Variants in CDH12 observed in about 807,000 individuals in gnomAD.
The protein encoded by CDH12 is cadherin 12.
A neutral mutation model predicts 74.1 loss-of-function variants in CDH12; 41 were observed. The observed-to-expected ratio is 0.55, with a 90% CI of 0.43 to 0.72. The LOEUF is 0.72. Among genes scored for constraint, CDH12 ranks in the 30% least tolerant of loss-of-function variants. The pLI is 0.00. For synonymous variants in CDH12, 399 were observed against 355.0 expected (o/e 1.12, Z -1.39); for missense variants, 945 against 977.2 (o/e 0.97, Z 0.44).
At chr5:22,228,485 C>T (rs942544704) in intron 3 of CDH12, among the ~76,000 whole-genome samples, 9 of 152,028 alleles carry the variant, frequency 5.9e-5, no homozygotes, top group African/African-American at 2.2e-4. Flanking sequence ...TTCAGATTAC[C>T]CCTCTGTATA....
intron 6 of CDH12, among the ~76,000 whole-genome samples, chr5:21,927,050 G>T (rs1380378038): frequency 6.6e-6 from 1 of 152,142 alleles, no homozygotes; most frequent in African/African-American, 2.4e-5. Flanking sequence ...TGGAGTTTGT[G>T]GTCATAGCAA....
intron 7 of CDH12, among the ~76,000 whole-genome samples, chr5:21,842,558 G>A (rs553879539): frequency 6.6e-6 from 1 of 152,016 alleles, no homozygotes; most frequent in Non-Finnish European, 1.5e-5. Context: ...TGAGAAATAT[G>A]GTTAAAGAAC....
intron 4 of CDH12, among the ~76,000 whole-genome samples, chr5:22,164,491 A>G (rs1748563293): frequency 6.6e-6 from 1 of 152,232 alleles, no homozygotes; most frequent in Non-Finnish European, 1.5e-5. Context: ...GACGGCGGCA[A>G]AACAGCAGTG....
intron 11 of CDH12, among the ~76,000 whole-genome samples, chr5:21,771,686 C>T (rs1745332975): frequency 6.6e-6 from 1 of 151,952 alleles, no homozygotes; most frequent in African/African-American, 2.4e-5. Context: ...TCTTATCAGA[C>T]CCAAAAAGGT....
At chr5:22,601,905 T>G (rs1298122115) in intron 1 of CDH12, among the ~76,000 whole-genome samples, 1 of 152,078 alleles carries the variant, frequency 6.6e-6, no homozygotes, top group Non-Finnish European at 1.5e-5. Flanking sequence ...TACTAGAAGC[T>G]TTCTCAAAAA....
At chr5:22,293,371 A>C (rs557949736) in intron 3 of CDH12, among the ~76,000 whole-genome samples, 15 of 152,284 alleles carry the variant, frequency 9.9e-5, no homozygotes, top group Non-Finnish European at 1.6e-4. Context: ...CCTTCATTTG[A>C]GTGCTCATTT....
At chr5:21,754,625 C>T (rs976313634) in intron 14 of CDH12, among the ~76,000 whole-genome samples, 1 of 152,118 alleles carries the variant, frequency 6.6e-6, no homozygotes, top group African/African-American at 2.4e-5. Context: ...CACAAGCTAC[C>T]ATATAACGCG....
rs150571583 is a variant in CDH12, at chr5:22,799,580, T to C, written c.-523+53478A>G. Among the ~76,000 whole-genome samples, 127 of 152,296 alleles carry C rather than the reference T, an allele frequency of 8.3e-4. 1 individual carries two copies. The highest frequency in any genetic ancestry group is 2.6e-3 in the African/African-American group (110 of 41,570). On this transcript the variant is annotated intron_variant, in intron 1 of 14. Coordinates refer to ENST00000382254, the MANE Select transcript of CDH12 (RefSeq NM_004061.5). ...GATGATATTTCAGTGAGAGAACTTT[T>C]ATATGTGACACTTTTTAAAAATACG... is the stretch of plus-strand genomic sequence containing the variant.
At chr5:22,432,260 G>A (rs1468057133) in intron 2 of CDH12, among the ~76,000 whole-genome samples, 5 of 152,032 alleles carry the variant, frequency 3.3e-5, no homozygotes, top group African/African-American at 1.2e-4. Flanking sequence ...TACAGCCTAG[G>A]AGCAATAGGC....
At chr5:22,367,157 G>C (rs945078675) in intron 3 of CDH12, among the ~76,000 whole-genome samples, 1 of 152,014 alleles carries the variant, frequency 6.6e-6, no homozygotes, top group Admixed American at 6.6e-5. Context: ...TTAGACAGTT[G>C]AAATCTTATT....
At chr5:21,793,707 T>C (rs1015479996) in intron 10 of CDH12, among the ~76,000 whole-genome samples, 2 of 151,550 alleles carry the variant, frequency 1.3e-5, no homozygotes, top group Non-Finnish European at 3.0e-5. Flanking sequence ...TTCCTCCTTT[T>C]CCTTCTACCT....
At chr5:22,192,692 T>C (rs529144443) in intron 4 of CDH12, among the ~76,000 whole-genome samples, 1 of 152,006 alleles carries the variant, frequency 6.6e-6, no homozygotes, top group African/African-American at 2.4e-5. Context: ...TGGGATAAGC[T>C]GGGGGGATGT....
chr5:22,613,512 A>G (rs1157406522), intron 1 of CDH12, among the ~76,000 whole-genome samples: 1 of 151,942 alleles, frequency 6.6e-6, no homozygotes, highest in East Asian at 1.9e-4. Flanking sequence ...ATGAGACACG[A>G]CTCTCTTTCA....
At chr5:22,838,384 C>T (rs1333469456) in intron 1 of CDH12, among the ~76,000 whole-genome samples, 1 of 152,146 alleles carries the variant, frequency 6.6e-6, no homozygotes, top group Non-Finnish European at 1.5e-5. Flanking sequence ...GTGGCTTATT[C>T]TCTCTGATCC....
chr5:22,047,157 G>A (rs1740011687), intron 5 of CDH12, among the ~76,000 whole-genome samples: 1 of 152,122 alleles, frequency 6.6e-6, no homozygotes, highest in South Asian at 2.1e-4. Context: ...ATTGAATCTA[G>A]CTCCAACTGT....
chr5:22,073,525 G>C, intron 5 of CDH12, among the ~76,000 whole-genome samples: 1 of 152,066 alleles, frequency 6.6e-6, no homozygotes, highest in East Asian at 1.9e-4. Context: ...TGGTTAGTTT[G>C]AGCAACTGGT....
At chr5:22,140,191 C>T (rs1337212780) in intron 4 of CDH12, among the ~76,000 whole-genome samples, 1 of 152,052 alleles carries the variant, frequency 6.6e-6, no homozygotes, top group African/African-American at 2.4e-5. Flanking sequence ...TTGCCGAGTG[C>T]TATTGTCACA....
intron 2 of CDH12, among the ~76,000 whole-genome samples, chr5:22,410,167 C>G (rs575204700): frequency 1.6e-4 from 25 of 152,106 alleles, no homozygotes; most frequent in African/African-American, 6.0e-4. Flanking sequence ...CTGACCTTCT[C>G]CTGCCCTCCT....
At chr5:22,045,438 C>T (rs555918216) in intron 5 of CDH12, among the ~76,000 whole-genome samples, 9 of 152,102 alleles carry the variant, frequency 5.9e-5, no homozygotes, top group Non-Finnish European at 1.3e-4. Context: ...TTACTGGGTA[C>T]ATATCCAAAG....
Sources: allele counts gnomAD v4.1 joint callset (sites outside exome capture counted in the v4.1 genomes callset), GRCh38; gene constraint gnomAD v4.1.1; transcripts MANE v1.5; gene names NCBI Gene and HGNC (gene_info 2026-07-23, HGNC 2026-07-21).